The following DGKB variants were observed in gnomAD, a reference collection of about 807,000 sequenced individuals.
DGKB encodes 90 kDa diacylglycerol kinase.
Under a neutral mutation model 114.3 loss-of-function variants are expected in DGKB, and 67 were observed. That is an observed-to-expected ratio of 0.59 (90% CI 0.48 to 0.72). The LOEUF is 0.72. Among genes scored for constraint, DGKB ranks in the 30% least tolerant of loss-of-function variants. The pLI is 0.00. For missense variants in DGKB, 907 were observed against 975.2 expected (o/e 0.93, Z 0.93); for synonymous variants, 398 against 323.1 (o/e 1.23, Z -2.49).
chr7:14,637,381 G>C (rs1810946350), intron 13 of DGKB, among the ~76,000 whole-genome samples: 1 of 151,824 alleles, frequency 6.6e-6, no homozygotes, highest in Admixed American at 6.6e-5. Flanking sequence ...GCACCACTTT[G>C]TAATGGAAAT....
intron 20 of DGKB, among the ~76,000 whole-genome samples, chr7:14,504,222 T>A (rs1201645569): frequency 3.0e-4 from 46 of 152,154 alleles, no homozygotes; most frequent in Non-Finnish European, 1.0e-4. Flanking sequence ...TACTCCAAAC[T>A]TTTCATGGAG....
intron 17 of DGKB, among the ~76,000 whole-genome samples, chr7:14,588,021 A>T (rs950935018): frequency 6.6e-6 from 1 of 152,108 alleles, no homozygotes; most frequent in African/African-American, 2.4e-5. Context: ...TGGCCACTTT[A>T]GAGTAATGCA....
intron 1 of DGKB, among the ~76,000 whole-genome samples, chr7:14,962,620 G>C (rs971231252): frequency 1.4e-5 from 2 of 141,856 alleles, no homozygotes; most frequent in African/African-American, 5.5e-5. Flanking sequence ...AGCTATAGCT[G>C]TGTGTGTGTG....
intron 1 of DGKB, among the ~76,000 whole-genome samples, chr7:14,864,321 T>A (rs1019561551): frequency 6.6e-6 from 1 of 152,120 alleles, no homozygotes; most frequent in Non-Finnish European, 1.5e-5. Context: ...AACATACACA[T>A]GCACATACAA....
chr7:14,597,497 C>T (rs549985496), intron 17 of DGKB, among the ~76,000 whole-genome samples: 42 of 152,094 alleles, frequency 2.8e-4, no homozygotes, highest in African/African-American at 9.4e-4. Flanking sequence ...ATCTGCTTTT[C>T]GGAGTGTGTT....
intron 23 of DGKB, among the ~76,000 whole-genome samples, chr7:14,182,871 G>C (rs997825461): frequency 6.6e-6 from 1 of 152,196 alleles, no homozygotes; most frequent in Non-Finnish European, 1.5e-5. Flanking sequence ...ATGAATGTGG[G>C]TTGTAGCATT....
chr7:14,266,331 T>C (rs1389583271), intron 23 of DGKB, among the ~76,000 whole-genome samples: 2 of 152,220 alleles, frequency 1.3e-5, no homozygotes, highest in Non-Finnish European at 2.9e-5. Context: ...TTCTATTTTT[T>C]AAAATGATTT....
intron 19 of DGKB, 114 bp downstream of exon 19, chr7:14,580,748 A>G (rs1799801457): frequency 6.2e-6 from 4 of 646,916 alleles, no homozygotes; most frequent in Non-Finnish European, 1.1e-5. Context: ...TATATACCAC[A>G]TCAGTTATCT....
At chr7:14,449,805 A>G (rs1831216384) in intron 21 of DGKB, among the ~76,000 whole-genome samples, 1 of 152,114 alleles carries the variant, frequency 6.6e-6, no homozygotes, top group Admixed American at 6.6e-5. Flanking sequence ...CAGCTTTAAA[A>G]GAATAAGAGC....
chr7:14,393,624 A>C (rs1821775346), intron 21 of DGKB, among the ~76,000 whole-genome samples: 1 of 152,142 alleles, frequency 6.6e-6, no homozygotes, highest in African/African-American at 2.4e-5. Context: ...CTCTCGAAGG[A>C]TCATGAAATA....
At chr7:14,701,130 T>C (rs934896643) in intron 7 of DGKB, among the ~76,000 whole-genome samples, 2 of 152,172 alleles carry the variant, frequency 1.3e-5, no homozygotes, top group African/African-American at 4.8e-5. Flanking sequence ...TGACTATAAC[T>C]ATACAATGTA....
At position 14,229,006 on chromosome 7, in the gene DGKB, G is replaced by C. The variant is rs116452059; in HGVS notation, c.2123-50855C>G. Among the ~76,000 whole-genome samples, 257 of 151,842 alleles carry C rather than the reference G, an allele frequency of 1.7e-3. 2 individuals carry two copies. Among genetic ancestry groups the C allele is most frequent in the African/African-American group, 6.0e-3 (248 of 41,452 alleles). On this transcript the variant is annotated intron_variant, in intron 23 of 25. Coordinates refer to ENST00000402815, the MANE Select transcript of DGKB (RefSeq NM_001350709.2). ...CATATAAATTTCATTAAGAAAATGA[G>C]CAGGCTGTGCTGAAATTATACACAA...
At chr7:14,165,306 A>C (rs1169624933) in intron 25 of DGKB, among the ~76,000 whole-genome samples, 1 of 152,208 alleles carries the variant, frequency 6.6e-6, no homozygotes, top group African/African-American at 2.4e-5. Context: ...AGTTTTAATA[A>C]AATGGCTGAG....
At chr7:14,191,602 C>T (rs1784325682) in intron 23 of DGKB, 2 of 258,534 alleles carry the variant, frequency 7.7e-6, no homozygotes, top group African/African-American at 2.3e-5. Context: ...ACTGGGTTAC[C>T]TTTGCTCCAG....
At chr7:14,422,196 T>C (rs1162120705) in intron 21 of DGKB, among the ~76,000 whole-genome samples, 1 of 152,028 alleles carries the variant, frequency 6.6e-6, no homozygotes, top group Non-Finnish European at 1.5e-5. Context: ...TGTTTCTAAA[T>C]ATGATTAATC....
At chr7:14,897,975 C>T (rs1357617923) in intron 1 of DGKB, among the ~76,000 whole-genome samples, 1 of 151,812 alleles carries the variant, frequency 6.6e-6, no homozygotes, top group Non-Finnish European at 1.5e-5. Flanking sequence ...ACTAAACTTC[C>T]AAAGATAAAT....
chr7:14,240,543 G>C (rs1450880784), intron 23 of DGKB, among the ~76,000 whole-genome samples: 1 of 152,000 alleles, frequency 6.6e-6, no homozygotes, highest in Non-Finnish European at 1.5e-5. Context: ...CTGTGACCAT[G>C]GTGTAAGATG....
At chr7:14,302,329 G>T in intron 23 of DGKB, among the ~76,000 whole-genome samples, 1 of 152,020 alleles carries the variant, frequency 6.6e-6, no homozygotes, top group Non-Finnish European at 1.5e-5. Context: ...GGAGTGATGT[G>T]TACACATATG....
At chr7:14,262,376 A>G (rs1277232015) in intron 23 of DGKB, among the ~76,000 whole-genome samples, 1 of 152,294 alleles carries the variant, frequency 6.6e-6, no homozygotes, top group East Asian at 1.9e-4. Context: ...TAATTTTTTT[A>G]TAAGAGACAC....
Sources: allele counts gnomAD v4.1 joint callset (sites outside exome capture counted in the v4.1 genomes callset), GRCh38; gene constraint gnomAD v4.1.1; transcripts MANE v1.5; gene names NCBI Gene and HGNC (gene_info 2026-07-23, HGNC 2026-07-21).